The following TRPM3 variants were observed in gnomAD, a reference collection of about 807,000 sequenced individuals.
TRPM3 encodes long transient receptor potential channel 3.
Under a neutral mutation model 181.2 loss-of-function variants are expected in TRPM3, and 77 were observed. That is an observed-to-expected ratio of 0.42 (90% CI 0.35 to 0.51). The LOEUF (loss-of-function observed/expected upper bound fraction) is 0.51, where lower values mean the gene tolerates loss of function less well. TRPM3 is among the 20% of genes least tolerant of loss of function. TRPM3 has a pLI of 0.01. For synonymous variants in TRPM3, 745 were observed against 796.4 expected (o/e 0.94, Z 1.09); for missense variants, 1,759 against 2,196.7 (o/e 0.80, Z 3.98).
chr9:71,070,092 A>T (rs187168831), intron 1 of TRPM3, among the ~76,000 whole-genome samples: 143 of 152,228 alleles, frequency 9.4e-4, no homozygotes, highest in African/African-American at 3.2e-3. Context: ...AGTTGCCAAA[A>T]CTCTCATCAC....
rs184784610 is a variant in TRPM3 at position 70,606,834 on chromosome 9, A to G, written c.2668-3364T>C. Among the ~76,000 whole-genome samples the G allele has an allele frequency of 2.9e-4, 44 of 152,046 alleles. No individual in the cohort carries two copies. The East Asian group carries it at 7.5e-3, about 26-fold the overall frequency. On this transcript the variant is annotated intron_variant, in intron 19 of 25. Coordinates refer to ENST00000677713, the MANE Select transcript of TRPM3 (RefSeq NM_001366145.2). ...ACTAAGATTCATGCTTCTTAAACTAACTATCAAACACAAGCACTAAAGCCT... is the reference window on the plus strand; with the variant it reads ...ACTAAGATTCATGCTTCTTAAACTAGCTATCAAACACAAGCACTAAAGCCT...
At chr9:70,838,449 G>C (rs2094450660) in intron 5 of TRPM3, among the ~76,000 whole-genome samples, 1 of 152,250 alleles carries the variant, frequency 6.6e-6, no homozygotes, top group Admixed American at 6.5e-5. Context: ...GGGCTGTCCA[G>C]CCTCCTGAAT....
At chr9:70,975,121 G>A (rs986580686) in intron 1 of TRPM3, among the ~76,000 whole-genome samples, 2 of 151,986 alleles carry the variant, frequency 1.3e-5, no homozygotes, top group African/African-American at 4.8e-5. Context: ...TGCCATCTCA[G>A]ACTTTCAATG....
At chr9:71,146,050 A>G (rs573508233) in intron 1 of TRPM3, among the ~76,000 whole-genome samples, 45 of 152,328 alleles carry the variant, frequency 3.0e-4, no homozygotes, top group African/African-American at 1.0e-3. Flanking sequence ...GCATATTTCT[A>G]CTGTTTAGAT....
chr9:71,274,016 T>C (rs920090009), intron 1 of TRPM3, among the ~76,000 whole-genome samples: 3 of 152,194 alleles, frequency 2.0e-5, no homozygotes, highest in Non-Finnish European at 4.4e-5. Context: ...AAATTCATTG[T>C]TTAGGTGTCC....
intron 1 of TRPM3, among the ~76,000 whole-genome samples, chr9:71,119,629 A>C (rs1349617178): frequency 1.3e-5 from 2 of 152,194 alleles, no homozygotes; most frequent in Admixed American, 1.3e-4. Context: ...ATTTTGGGTT[A>C]AAGCTGATAC....
chr9:70,701,969 A>G (rs2072716524), intron 8 of TRPM3, among the ~76,000 whole-genome samples: 1 of 135,418 alleles, frequency 7.4e-6, no homozygotes, highest in Admixed American at 7.8e-5. Context: ...TAGAATTCCC[A>G]TGCTGTGTAG....
chr9:71,083,650 G>T (rs1591285364), intron 1 of TRPM3, among the ~76,000 whole-genome samples: 1 of 151,428 alleles, frequency 6.6e-6, no homozygotes, highest in South Asian at 2.1e-4. Flanking sequence ...CAGTAGGCCT[G>T]TACATTAAAG....
intron 3 of TRPM3, 24 bp from the exon 4 acceptor site, chr9:70,846,615 T>C: frequency 6.2e-7 from 1 of 1,600,450 alleles, no homozygotes; most frequent in East Asian, 2.2e-5. Context: ...GGACATCAAT[T>C]AGGGAGACAA....
chr9:70,623,731 G>C (rs1009694869), intron 14 of TRPM3, among the ~76,000 whole-genome samples: 2 of 152,122 alleles, frequency 1.3e-5, no homozygotes, highest in Non-Finnish European at 2.9e-5. Flanking sequence ...CCTTAACCTT[G>C]GTTAACCGTC....
chr9:70,598,820 T>C (rs2059427781), intron 20 of TRPM3, 150 bp from the exon 21 acceptor site: 1 of 867,896 alleles, frequency 1.2e-6, no homozygotes, highest in South Asian at 1.8e-5. Flanking sequence ...AAAGTCCGAC[T>C]GAGCTAAGCT....
chr9:71,229,822 T>C (rs1280087242), intron 1 of TRPM3, among the ~76,000 whole-genome samples: 1 of 152,150 alleles, frequency 6.6e-6, no homozygotes, highest in Non-Finnish European at 1.5e-5. Flanking sequence ...GAAACCCTTG[T>C]ATGCTCTTGG....
At chr9:71,188,221 T>G (rs1015297037) in intron 1 of TRPM3, among the ~76,000 whole-genome samples, 3 of 151,916 alleles carry the variant, frequency 2.0e-5, no homozygotes, top group Admixed American at 2.0e-4. Flanking sequence ...CTGCACCAAT[T>G]TATACTTCTG....
chr9:71,356,765 T>C (rs1398131249), intron 1 of TRPM3, among the ~76,000 whole-genome samples: 1 of 152,144 alleles, frequency 6.6e-6, no homozygotes, highest in Admixed American at 6.5e-5. Flanking sequence ...TTATTATGCA[T>C]ATCCAGTTCT....
intron 1 of TRPM3, among the ~76,000 whole-genome samples, chr9:71,048,820 C>G (rs1292817518): frequency 6.6e-6 from 1 of 152,146 alleles, no homozygotes; most frequent in Non-Finnish European, 1.5e-5. Context: ...CACCTGGATG[C>G]TGATGTGAGA....
At chr9:71,113,983 C>T (rs112073540) in intron 1 of TRPM3, among the ~76,000 whole-genome samples, 9 of 152,182 alleles carry the variant, frequency 5.9e-5, no homozygotes, top group African/African-American at 1.9e-4. Context: ...CTGATTCTAT[C>T]ATAGATAGTC....
intron 1 of TRPM3, among the ~76,000 whole-genome samples, chr9:71,329,970 G>T (rs2089993249): frequency 6.6e-6 from 1 of 152,166 alleles, no homozygotes; most frequent in Admixed American, 6.5e-5. Context: ...GTTGCGGGAT[G>T]TAAGTTGGCA....
At chr9:71,372,837 T>C (rs775636243) in intron 1 of TRPM3, among the ~76,000 whole-genome samples, 1 of 152,100 alleles carries the variant, frequency 6.6e-6, no homozygotes, top group Non-Finnish European at 1.5e-5. Flanking sequence ...CATTACATAA[T>C]CATATGTAAT....
chr9:71,256,162 T>C (rs773434518), intron 1 of TRPM3, among the ~76,000 whole-genome samples: 4 of 152,168 alleles, frequency 2.6e-5, no homozygotes, highest in African/African-American at 9.6e-5. Flanking sequence ...CAACATTTGA[T>C]TGGAGAGCAT....
Sources: gnomAD v4.1 joint callset for allele counts (sites outside exome capture counted in the v4.1 genomes callset) on GRCh38, gnomAD v4.1.1 for gene constraint, MANE v1.5 for transcripts, NCBI Gene and HGNC (gene_info 2026-07-23, HGNC 2026-07-21) for gene names.